TXNL1: variants seen among roughly 807,000 people sequenced by gnomAD.
TXNL1 encodes thioredoxin-like protein 1.
A neutral mutation model predicts 35.5 loss-of-function variants in TXNL1; 14 were observed. That is an observed-to-expected ratio of 0.39 (90% CI 0.26 to 0.62). The LOEUF (loss-of-function observed/expected upper bound fraction) is 0.62. TXNL1 is among the 20% of genes least tolerant of loss of function. TXNL1 has a pLI of 0.47. For synonymous variants in TXNL1, 110 were observed against 115.5 expected (o/e 0.95, Z 0.31); for missense variants, 263 against 349.7 (o/e 0.75, Z 1.98).
At position 56,600,094 on chromosome 18, in the gene TXNL1, A is replaced by C. The variant is rs1371525447; in HGVS notation, c.*2933T>G. On this transcript the variant is annotated 3_prime_UTR_variant, in exon 8 of 8. Coordinates refer to ENST00000217515, the MANE Select transcript of TXNL1 (RefSeq NM_004786.3). ...CTTATTACAGAATCAAAGCTTTTAG[A>C]CATTAAGAGGAACAAGGGAGGATCT... The C allele has an allele frequency of 6.6e-6, 1 of 152,232 alleles. No homozygotes were observed. The highest frequency in any genetic ancestry group is 2.4e-5 in the African/African-American group (1 of 41,462). 9.4% of individuals were successfully genotyped at this position (152,232 alleles called of 1,614,324 possible). A position where few individuals can be genotyped will look rare whatever the true frequency, so the allele number is the denominator to read the frequency against.
chr18:56,623,800 C>CT (rs34071610), intron 3 of TXNL1, among the ~76,000 whole-genome samples: 193 of 141,086 alleles, frequency 1.4e-3, no homozygotes, highest in East Asian at 2.1e-3. Flanking sequence ...AGTAATTAGA[C>CT]TTTTTTTTTT....
chr18:56,628,169 G>A (rs1025977306), intron 1 of TXNL1, among the ~76,000 whole-genome samples: 6 of 152,054 alleles, frequency 3.9e-5, no homozygotes, highest in South Asian at 4.1e-4. Context: ...AGGGATACCC[G>A]GGAAATGCAG....
intron 1 of TXNL1, among the ~76,000 whole-genome samples, chr18:56,630,322 G>T (rs545688355): frequency 6.6e-6 from 1 of 152,272 alleles, no homozygotes; most frequent in South Asian, 2.1e-4. Flanking sequence ...AACTGGAAAT[G>T]ATGCTTACAG....
intron 7 of TXNL1, chr18:56,609,757 A>G (rs2023960969): frequency 6.6e-6 from 1 of 152,234 alleles, no homozygotes; most frequent in South Asian, 2.1e-4. Flanking sequence ...TTCATATCGT[A>G]AAAATGTAGA....
chr18:56,608,624 ACTCTTAT>A (rs2023940483), intron 7 of TXNL1: 1 of 151,948 alleles, frequency 6.6e-6, no homozygotes, highest in South Asian at 2.1e-4. Context: ...TGCCTTTTAG[ACTCTTAT>A]TCTCTTCACA....
At chr18:56,625,268 A>G (rs1202868665) in intron 2 of TXNL1, among the ~76,000 whole-genome samples, 1 of 152,190 alleles carries the variant, frequency 6.6e-6, no homozygotes. Flanking sequence ...ATGGATATGT[A>G]GCACATGTGA....
chr18:56,631,718 G>A (rs1456599587), intron 1 of TXNL1, among the ~76,000 whole-genome samples: 2 of 152,068 alleles, frequency 1.3e-5, no homozygotes, highest in African/African-American at 4.8e-5. Context: ...TCAGGAGTTC[G>A]AGACCAGCCT....
intron 1 of TXNL1, among the ~76,000 whole-genome samples, chr18:56,634,427 G>A (rs576052446): frequency 1.3e-5 from 2 of 152,090 alleles, no homozygotes; most frequent in African/African-American, 4.8e-5. Flanking sequence ...TAGCTGTTAG[G>A]GTTATTCTGA....
chr18:56,615,759 ATAAC>A (rs902563158), intron 5 of TXNL1, among the ~76,000 whole-genome samples: 16 of 152,376 alleles, frequency 1.1e-4, no homozygotes, highest in African/African-American at 3.6e-4. Context: ...AAGTATAAAA[ATAAC>A]TAAGTTCTCT....
At position 56,600,088 on chromosome 18, in the gene TXNL1, T is replaced by C. The variant is rs1173285119; in HGVS notation, c.*2939A>G. ...TTTATTCTTATTACAGAATCAAAGC[T>C]TTTAGACATTAAGAGGAACAAGGGA... On this transcript the variant is annotated 3_prime_UTR_variant, in exon 8 of 8. Coordinates refer to ENST00000217515, the MANE Select transcript of TXNL1 (RefSeq NM_004786.3). 1 of 152,228 alleles carries C rather than the reference T, an allele frequency of 6.6e-6. No homozygotes were observed. Among genetic ancestry groups the C allele is most frequent in the African/African-American group, 2.4e-5 (1 of 41,468 alleles). The allele number at this position is 152,228 out of a possible 1,614,324, so 9.4% of individuals were successfully genotyped here. A position where few individuals can be genotyped will look rare whatever the true frequency, so the allele number is the denominator to read the frequency against.
chr18:56,603,524 A>G (rs2023841306), intron 7 of TXNL1, among the ~76,000 whole-genome samples: 1 of 152,156 alleles, frequency 6.6e-6, no homozygotes, highest in South Asian at 2.1e-4. Context: ...CAATGAAAAC[A>G]GATTAAAAGT....
intron 5 of TXNL1, 98 bp downstream of exon 5, chr18:56,616,141 AAAAAAG>A: frequency 9.1e-7 from 1 of 1,093,710 alleles, no homozygotes. Context: ...CAAAAAAAAA[AAAAAAG>A]AAAAAACAAG....
intron 7 of TXNL1, among the ~76,000 whole-genome samples, chr18:56,605,513 C>A (rs2023877918): frequency 1.1e-5 from 1 of 91,648 alleles, no homozygotes; most frequent in South Asian, 4.1e-4. Flanking sequence ...GAAGCAGAAG[C>A]CCCTATAATT....
chr18:56,618,861 T>C (rs1346101620), intron 3 of TXNL1, among the ~76,000 whole-genome samples: 1 of 152,024 alleles, frequency 6.6e-6, no homozygotes, highest in Non-Finnish European at 1.5e-5. Context: ...TATTTCACAC[T>C]TGAATTGTTA....
chr18:56,603,200 A>G lies in TXNL1; in HGVS notation c.841-144T>C, dbSNP rs975576301. 13 of 650,380 alleles carry G rather than the reference A, an allele frequency of 2.0e-5. No homozygotes were observed. The African/African-American group carries it at 2.4e-4, about 12-fold the overall frequency. 40.3% of individuals were successfully genotyped at this position (650,380 alleles called of 1,614,324 possible). On this transcript the variant is annotated intron_variant, in intron 7 of 7. Coordinates refer to ENST00000217515, the MANE Select transcript of TXNL1 (RefSeq NM_004786.3). Reference sequence around the variant, plus strand: ...GCATGCAATGTATTTTCACTGTTGAAGCAAACTGTGACCTCCCCTCCAATC... The same window carrying G: ...GCATGCAATGTATTTTCACTGTTGAGGCAAACTGTGACCTCCCCTCCAATC...
In TXNL1 at chr18:56,597,866, T is replaced by C. The variant is rs1342689863; in HGVS notation, c.*5161A>G. On this transcript the variant is annotated 3_prime_UTR_variant, in exon 8 of 8. Transcript: ENST00000217515. The stretch of plus-strand genomic sequence containing the variant: ...CCATATTCATCTTCCCCTCTGAACG[T>C]TCTGCTTCTCCTAAGAGCTACTTCT... The C allele has an allele frequency of 6.6e-6, 1 of 152,242 alleles. No homozygotes were observed. The highest frequency in any genetic ancestry group is 1.5e-5 in the Non-Finnish European group (1 of 68,042). The allele number at this position is 152,242 out of a possible 1,614,324, so 9.4% of individuals were successfully genotyped here.
At chr18:56,637,560 C>A (rs769259575) in intron 1 of TXNL1, among the ~76,000 whole-genome samples, 1 of 152,214 alleles carries the variant, frequency 6.6e-6, no homozygotes, top group Non-Finnish European at 1.5e-5. Context: ...TCCACCTTTT[C>A]TACGACCTAT....
At chr18:56,624,150 A>C (rs556342302) in intron 3 of TXNL1, 138 bp downstream of exon 3, 65 of 928,698 alleles carry the variant, frequency 7.0e-5, no homozygotes, top group Non-Finnish European at 9.6e-5. Flanking sequence ...GTCAGCTAAT[A>C]AATTTGAAAG....
intron 7 of TXNL1, chr18:56,609,120 G>C (rs1250992023): frequency 6.6e-6 from 1 of 151,742 alleles, no homozygotes; most frequent in African/African-American, 2.4e-5. Context: ...GCAAATATCA[G>C]ATAAATATAG....
Sources: gnomAD v4.1 joint callset for allele counts (sites outside exome capture counted in the v4.1 genomes callset) on GRCh38, gnomAD v4.1.1 for gene constraint, MANE v1.5 for transcripts, NCBI Gene and HGNC (gene_info 2026-07-23, HGNC 2026-07-21) for gene names.